The following CEP57 variants were observed in gnomAD, a reference collection of about 807,000 sequenced individuals.
CEP57 encodes the protein centrosomal protein 57, also known as centrosomal protein of 57 kDa.
A neutral mutation model predicts 68.0 loss-of-function variants in CEP57; 40 were observed. That is an observed-to-expected ratio of 0.59 (90% CI 0.46 to 0.77). The LOEUF is 0.77. Ranked by LOEUF, CEP57 falls within the 30% of genes least tolerant of loss-of-function variation. CEP57 has a pLI of 0.00. For synonymous variants in CEP57, 219 were observed against 198.7 expected (o/e 1.10, Z -0.86); for missense variants, 606 against 580.7 (o/e 1.04, Z -0.45).
At chr11:95,802,488 C>T (rs925654038) in intron 2 of CEP57, among the ~76,000 whole-genome samples, 21 of 151,950 alleles carry the variant, frequency 1.4e-4, no homozygotes, top group Admixed American at 2.0e-4. Context: ...CTCTTGACCT[C>T]GTGATCCGCC....
In CEP57 at chr11:95,817,510, A is replaced by G. The variant is rs146511982; in HGVS notation, c.505-277A>G. Among the ~76,000 whole-genome samples, 894 of 152,290 alleles carry G rather than the reference A, an allele frequency of 5.9e-3. 15 individuals carry two copies. Among genetic ancestry groups the G allele is most frequent in the African/African-American group, 0.02 (829 of 41,556 alleles). On this transcript the variant is annotated intron_variant, in intron 4 of 10. Transcript: ENST00000325542. ...CTAAAAGTATTTGTGTGTGAAGCCT[A>G]TATGTCCAATAAATCCCTGCTATCC...
intron 4 of CEP57, chr11:95,815,222 A>C (rs1482258869): frequency 6.6e-6 from 1 of 152,202 alleles, no homozygotes; most frequent in East Asian, 1.9e-4. Flanking sequence ...ATTAGACTTA[A>C]ATATTTGAGC....
chr11:95,800,193 T>C (rs1861514462), intron 2 of CEP57, among the ~76,000 whole-genome samples: 1 of 152,184 alleles, frequency 6.6e-6, no homozygotes, highest in Admixed American at 6.5e-5. Context: ...TACTAGAGGC[T>C]CTGGGGAAGA....
intron 1 of CEP57, among the ~76,000 whole-genome samples, chr11:95,792,684 A>G (rs928212352): frequency 4.6e-5 from 7 of 152,200 alleles, no homozygotes; most frequent in Non-Finnish European, 7.3e-5. Flanking sequence ...GTACACTAAG[A>G]ATATCTAGGA....
chr11:95,809,596 C>T (rs1861960925), intron 2 of CEP57, among the ~76,000 whole-genome samples: 1 of 152,172 alleles, frequency 6.6e-6, no homozygotes. Flanking sequence ...ACTAGAAAAT[C>T]TAGAAGAAAT....
At chr11:95,807,545 C>T (rs542948972) in intron 2 of CEP57, among the ~76,000 whole-genome samples, 40 of 152,228 alleles carry the variant, frequency 2.6e-4, no homozygotes, top group South Asian at 6.2e-4. Context: ...GAGCTGAAAA[C>T]CATGCCATGA....
At position 95,822,677 on chromosome 11, in the gene CEP57, G is replaced by GTGCCTCTACCAGTGTGTGGATCA. The variant is rs1555052545; in HGVS notation, c.885+106_885+107insCTACCAGTGTGTGGATCATGCCT. 4.7e-5 allele frequency: 42 copies of GTGCCTCTACCAGTGTGTGGATCA among 887,622 alleles called. No individual in the cohort carries two copies. In the East Asian group the frequency reaches 8.3e-4, roughly 17 times the overall value. The allele number at this position is 887,622 out of a possible 1,614,324, so 55.0% of individuals were successfully genotyped here. A position where few individuals can be genotyped will look rare whatever the true frequency, so the allele number is the denominator to read the frequency against. On this transcript the variant is annotated intron_variant, in intron 8 of 10. Coordinates refer to ENST00000325542, the MANE Select transcript of CEP57 (RefSeq NM_014679.5). ...CTACAAATGGAAGGAACATTTTTCTGTGCCTTTACCAGTGTGTGGATCACA... is the reference window on the plus strand; with the variant it reads ...CTACAAATGGAAGGAACATTTTTCTGTGCCTCTACCAGTGTGTGGATCATGCCTTTACCAGTGTGTGGATCACA...
chr11:95,795,263 G>A (rs1472034690), intron 1 of CEP57, among the ~76,000 whole-genome samples: 1 of 152,040 alleles, frequency 6.6e-6, no homozygotes, highest in Non-Finnish European at 1.5e-5. Context: ...ACATTTTTCA[G>A]TACTTGTATA....
rs898167932 is a variant in CEP57, at chr11:95,829,267, C to A, written c.1208C>A (p.Ala403Glu). 6.2e-7 allele frequency: 1 copy of A among 1,613,620 alleles called. No individual in the cohort carries two copies. The highest frequency in any genetic ancestry group is 8.5e-7 in the Non-Finnish European group (1 of 1,179,902). ...GACAAGTTGGAGTGTGAATTGGAGG[C>A]ATTAGTGGGAAGGATGGAAGCAAAA... ...LKDKLECELEALVGRMEAKAN... is the reference protein window; with the variant it reads ...LKDKLECELEELVGRMEAKAN... The change falls in exon 10 of 11, where the codon GCA becomes GAA. Residue 403 changes from alanine (A) to glutamate (E), a missense_variant. Ala to Glu is a moderately radical substitution (Grantham distance 107, BLOSUM62 -1). Coordinates refer to ENST00000325542, the MANE Select transcript of CEP57 (RefSeq NM_014679.5).
At chr11:95,818,144 G>A in intron 5 of CEP57, 1 of 394,906 alleles carries the variant, frequency 2.5e-6, no homozygotes, top group African/African-American at 2.1e-5. Context: ...GGGCGTGGTG[G>A]CTCACGCCTG....
chr11:95,800,431 C>G (rs1861528013), intron 2 of CEP57, among the ~76,000 whole-genome samples: 1 of 151,632 alleles, frequency 6.6e-6, no homozygotes, highest in South Asian at 2.1e-4. Context: ...GAGTCTCACT[C>G]TGTCACCAGG....
rs575522373 is a variant in CEP57, at chr11:95,805,703, A to G, written c.202+6315A>G. ...TTATATAATATAGGTGACTGTTAGA[A>G]TCAATGTTTATGAAATTTTAGTAAT... is the stretch of plus-strand genomic sequence containing the variant. On this transcript the variant is annotated intron_variant, in intron 2 of 10. Transcript: ENST00000325542. Among the ~76,000 whole-genome samples, 23 of 152,352 alleles carry G rather than the reference A, an allele frequency of 1.5e-4. 1 individual carries two copies. The East Asian group carries it at 3.7e-3, about 24-fold the overall frequency.
rs184433447 is a variant in CEP57 at position 95,798,487 on chromosome 11, A to G, written c.46-745A>G. On this transcript the variant is annotated intron_variant, in intron 1 of 10. Coordinates refer to ENST00000325542, the MANE Select transcript of CEP57 (RefSeq NM_014679.5). ...GTGGCCGTTTGAGGAAGGAAAGTGG[A>G]TGAACATTTTGAATAGCTGGTAGTC... Among the ~76,000 whole-genome samples the G allele has an allele frequency of 6.6e-5, 10 of 152,336 alleles. No individual in the cohort carries two copies. In the East Asian group the frequency reaches 1.9e-3, roughly 29 times the overall value.
Position 95,820,579 on chromosome 11 carries a change from C to CAAAAAAAAAA in CEP57, c.700-1283_700-1274dup, listed in dbSNP as rs56260498. Among the ~76,000 whole-genome samples the CAAAAAAAAAA allele has an allele frequency of 3.3e-4, 27 of 82,402 alleles. 2 individuals carry two copies. Among genetic ancestry groups the CAAAAAAAAAA allele is most frequent in the Non-Finnish European group, 4.6e-4 (20 of 43,392 alleles). 54.1% of individuals were successfully genotyped at this position (82,402 alleles called of 152,430 possible). ...TGCATTCCATCCTGGGCAACAAGAG[C>CAAAAAAAAAA]AAAAAAAAAAAAAAAAAACAGTGTT... On this transcript the variant is annotated intron_variant, in intron 6 of 10. Coordinates refer to ENST00000325542, the MANE Select transcript of CEP57 (RefSeq NM_014679.5).
chr11:95,817,980 G>A, intron 5 of CEP57, 77 bp downstream of exon 5: 3 of 815,328 alleles, frequency 3.7e-6, no homozygotes, highest in Non-Finnish European at 6.6e-6. Context: ...TACATCACTG[G>A]ATATTTATAG....
At chr11:95,810,546 A>T (rs190305891) in intron 2 of CEP57, among the ~76,000 whole-genome samples, 3 of 152,312 alleles carry the variant, frequency 2.0e-5, no homozygotes, top group South Asian at 4.1e-4. Flanking sequence ...AAGCATTCTT[A>T]TACACCAATA....
At chr11:95,813,244 C>T (rs1862149027) in intron 3 of CEP57, 133 bp downstream of exon 3, 2 of 1,053,478 alleles carry the variant, frequency 1.9e-6, no homozygotes, top group Non-Finnish European at 2.8e-6. Flanking sequence ...TATTCTGGTG[C>T]ATTTTGAGGA....
rs749098441 is a variant in CEP57 at position 95,790,734 on chromosome 11, T to A, written c.36T>A (p.Ser12=). Residue 12 remains serine (S), a synonymous_variant, in exon 1 of 11, where the codon TCT becomes TCA. Coordinates refer to ENST00000325542, the MANE Select transcript of CEP57 (RefSeq NM_014679.5). ...AAASVSAASG[S]HLSNSFAEPS... ...CGTCTGTCTCTGCGGCTTCTGGTTC[T>A]CACTTGTCGGTAAGAAGCAGTTGGC... 8.1e-6 allele frequency: 13 copies of A among 1,613,952 alleles called. No individual in the cohort carries two copies. The East Asian group carries it at 2.9e-4, about 36-fold the overall frequency.
intron 8 of CEP57, among the ~76,000 whole-genome samples, chr11:95,824,615 G>T (rs567135237): frequency 6.6e-6 from 1 of 152,164 alleles, no homozygotes; most frequent in African/African-American, 2.4e-5. Context: ...AATCATTGAG[G>T]AGAAAGGGTA....
Sources: gnomAD v4.1 joint callset for allele counts (sites outside exome capture counted in the v4.1 genomes callset) on GRCh38, gnomAD v4.1.1 for gene constraint, MANE v1.5 for transcripts, NCBI Gene and HGNC (gene_info 2026-07-23, HGNC 2026-07-21) for gene names.